ADGRB3: variants seen among roughly 807,000 people sequenced by gnomAD.
ADGRB3 encodes adhesion G protein-coupled receptor B3, also known as brain-specific angiogenesis inhibitor 3.
In ADGRB3, 37 loss-of-function variants were observed where a neutral mutation model predicts 193.4. The observed-to-expected ratio is 0.19, with a 90% CI of 0.15 to 0.25. The LOEUF is 0.25. Ranked by LOEUF, ADGRB3 falls within the 10% of genes least tolerant of loss-of-function variation. The probability of loss-of-function intolerance (pLI) is 1.00; values close to 1 mark genes in which losing one functional copy is unlikely to be tolerated. For synonymous variants in ADGRB3, 690 were observed against 644.2 expected (o/e 1.07, Z -1.08); for missense variants, 1,637 against 1,852.9 (o/e 0.88, Z 2.14).
chr6:69,083,428 T>C (rs1772449991), intron 17 of ADGRB3, among the ~76,000 whole-genome samples: 1 of 152,206 alleles, frequency 6.6e-6, no homozygotes, highest in South Asian at 2.1e-4. Flanking sequence ...CTATTATTTG[T>C]TCTGCTGTTT....
At chr6:68,938,137 A>G (rs999305366) in intron 5 of ADGRB3, among the ~76,000 whole-genome samples, 1 of 152,116 alleles carries the variant, frequency 6.6e-6, no homozygotes, top group Non-Finnish European at 1.5e-5. Flanking sequence ...GGCAAAGAGT[A>G]ATAATTGCCA....
chr6:69,148,323 A>G (rs939390780), intron 17 of ADGRB3, among the ~76,000 whole-genome samples: 7 of 152,148 alleles, frequency 4.6e-5, no homozygotes, highest in Non-Finnish European at 8.8e-5. Flanking sequence ...TGAGGTTAAC[A>G]TAAGACTTGC....
intron 26 of ADGRB3, among the ~76,000 whole-genome samples, chr6:69,350,805 T>C (rs1482859145): frequency 6.6e-6 from 1 of 151,978 alleles, no homozygotes; most frequent in Non-Finnish European, 1.5e-5. Context: ...TTCTGCTTGT[T>C]TGAAACATAG....
At chr6:68,877,931 A>G (rs1163932855) in intron 3 of ADGRB3, among the ~76,000 whole-genome samples, 3 of 152,058 alleles carry the variant, frequency 2.0e-5, no homozygotes, top group African/African-American at 7.2e-5. Context: ...CAAGTACCTA[A>G]TCAAGATCAG....
intron 3 of ADGRB3, among the ~76,000 whole-genome samples, chr6:68,920,417 C>A (rs1249229489): frequency 6.8e-6 from 1 of 146,622 alleles, no homozygotes; most frequent in Non-Finnish European, 1.5e-5. Flanking sequence ...ACTCCGGAGG[C>A]TGAGGCAGGA....
At position 69,255,870 on chromosome 6, in the gene ADGRB3, A is replaced by G. The variant is rs1190576546; in HGVS notation, c.2814+16644A>G. ...TTAAGTCTTTAATCCATCTTGAATT[A>G]ATTTTTGTATAAGGTGTAAGGAAGG... On this transcript the variant is annotated intron_variant, in intron 20 of 31. Coordinates refer to ENST00000370598, the MANE Select transcript of ADGRB3 (RefSeq NM_001704.3). Among the ~76,000 whole-genome samples the G allele has an allele frequency of 7.2e-5, 11 of 152,258 alleles. 1 individual carries two copies. Among genetic ancestry groups the G allele is most frequent in the East Asian group, 3.9e-4 (2 of 5,174 alleles).
At chr6:69,057,839 T>C (rs535087226) in intron 15 of ADGRB3, among the ~76,000 whole-genome samples, 14 of 152,030 alleles carry the variant, frequency 9.2e-5, no homozygotes, top group Non-Finnish European at 1.9e-4. Flanking sequence ...TTTGCTAGCA[T>C]TTTGTTGAGG....
intron 17 of ADGRB3, among the ~76,000 whole-genome samples, chr6:69,204,722 C>T (rs986237382): frequency 6.6e-6 from 1 of 152,138 alleles, no homozygotes; most frequent in East Asian, 1.9e-4. Context: ...AGAATCATCT[C>T]CTATTGCCAC....
At chr6:69,347,614 C>T (rs564068370) in intron 26 of ADGRB3, among the ~76,000 whole-genome samples, 62 of 150,920 alleles carry the variant, frequency 4.1e-4, no homozygotes, top group African/African-American at 1.5e-3. Context: ...CACATCTCTA[C>T]AAAAAAAAAT....
intron 17 of ADGRB3, among the ~76,000 whole-genome samples, chr6:69,207,244 A>C (rs1304000579): frequency 1.3e-5 from 2 of 152,136 alleles, no homozygotes; most frequent in East Asian, 3.9e-4. Flanking sequence ...GGAAGCAAAA[A>C]AATTTGCTAG....
At chr6:68,865,868 A>C (rs1765282047) in intron 3 of ADGRB3, among the ~76,000 whole-genome samples, 1 of 152,188 alleles carries the variant, frequency 6.6e-6, no homozygotes, top group Non-Finnish European at 1.5e-5. Flanking sequence ...ACAGAACAAT[A>C]GCCTTCTTCC....
intron 17 of ADGRB3, among the ~76,000 whole-genome samples, chr6:69,100,423 A>T (rs1772999768): frequency 6.6e-6 from 1 of 152,200 alleles, no homozygotes; most frequent in Admixed American, 6.5e-5. Flanking sequence ...ATGAAAATGA[A>T]TTCTATAAAA....
intron 3 of ADGRB3, among the ~76,000 whole-genome samples, chr6:68,795,384 C>T (rs1177207915): frequency 6.6e-6 from 1 of 151,860 alleles, no homozygotes; most frequent in African/African-American, 2.4e-5. Context: ...TATAGAAAAG[C>T]ACAGAAATCT....
intron 17 of ADGRB3, among the ~76,000 whole-genome samples, chr6:69,142,919 C>T (rs1774380142): frequency 6.6e-6 from 1 of 152,022 alleles, no homozygotes; most frequent in Admixed American, 6.6e-5. Context: ...GGTATATGCC[C>T]AGGAGTGGAA....
intron 3 of ADGRB3, among the ~76,000 whole-genome samples, chr6:68,710,719 G>C (rs890615481): frequency 6.6e-6 from 1 of 152,046 alleles, no homozygotes; most frequent in Admixed American, 6.6e-5. Context: ...TGATTAGCAG[G>C]TCACCCTGGC....
intron 20 of ADGRB3, among the ~76,000 whole-genome samples, chr6:69,282,743 G>C (rs1767463311): frequency 6.6e-6 from 1 of 152,112 alleles, no homozygotes; most frequent in South Asian, 2.1e-4. Flanking sequence ...TGCATAACAA[G>C]TATATTACAC....
At chr6:69,378,171 C>T (rs1769870369) in intron 30 of ADGRB3, among the ~76,000 whole-genome samples, 1 of 151,956 alleles carries the variant, frequency 6.6e-6, no homozygotes, top group Non-Finnish European at 1.5e-5. Context: ...ATATGAAGAC[C>T]AGCCATTAAA....
chr6:68,695,193 A>T (rs1239479666), intron 3 of ADGRB3, among the ~76,000 whole-genome samples: 1 of 152,076 alleles, frequency 6.6e-6, no homozygotes, highest in African/African-American at 2.4e-5. Context: ...GCTTGAATGT[A>T]GAGAAATGAC....
intron 23 of ADGRB3, chr6:69,332,561 T>C (rs1008121156): frequency 5.1e-6 from 5 of 985,312 alleles, no homozygotes; most frequent in African/African-American, 1.7e-5. Context: ...TCCTGGCTCA[T>C]GGGCATAGGG....
Sources: allele counts gnomAD v4.1 joint callset (sites outside exome capture counted in the v4.1 genomes callset), GRCh38; gene constraint gnomAD v4.1.1; transcripts MANE v1.5; gene names NCBI Gene and HGNC (gene_info 2026-07-23, HGNC 2026-07-21).